The following HECTD4 variants were observed in gnomAD, a reference collection of about 807,000 sequenced individuals.
HECTD4 encodes the protein HECT domain E3 ubiquitin protein ligase 4.
Under a neutral mutation model 471.5 loss-of-function variants are expected in HECTD4, and 114 were observed. The ratio of observed to expected loss-of-function variants is 0.24; its 90% CI spans 0.21 to 0.28. The LOEUF (loss-of-function observed/expected upper bound fraction) is 0.28. HECTD4 is among the 10% of genes least tolerant of loss of function. HECTD4 has a pLI of 1.00. For missense variants in HECTD4, 3,866 were observed against 5,651.5 expected (o/e 0.68, Z 10.13); for synonymous variants, 2,012 against 2,256.0 (o/e 0.89, Z 3.07).
intron 26 of HECTD4, 41 bp downstream of exon 26, chr12:112,248,279 T>A (rs761647790): frequency 4.7e-5 from 72 of 1,536,446 alleles, no homozygotes; most frequent in Non-Finnish European, 5.8e-5. Flanking sequence ...TCTTTAAATT[T>A]CCATAAAAGA....
At chr12:112,295,754 A>C (rs1235562500) in intron 7 of HECTD4, among the ~76,000 whole-genome samples, 2 of 150,192 alleles carry the variant, frequency 1.3e-5, no homozygotes, top group African/African-American at 2.5e-5. Context: ...CAATCCTCCC[A>C]CCTTAGCCCT....
intron 43 of HECTD4, among the ~76,000 whole-genome samples, chr12:112,227,355 G>A (rs2033266630): frequency 1.3e-5 from 2 of 152,030 alleles, no homozygotes; most frequent in African/African-American, 4.8e-5. Context: ...AGCTACTCAG[G>A]AGGCTGAGGC....
At chr12:112,187,682 C>A (rs940366265) in intron 60 of HECTD4, among the ~76,000 whole-genome samples, 3 of 141,758 alleles carry the variant, frequency 2.1e-5, no homozygotes, top group South Asian at 2.3e-4. Flanking sequence ...GCTGGAGTGC[C>A]GTGGTGCCAT....
intron 39 of HECTD4, chr12:112,231,278 T>C (rs1209494933): frequency 3.5e-6 from 2 of 563,938 alleles, no homozygotes; most frequent in African/African-American, 1.9e-5. Context: ...TGGCTATAAA[T>C]GTCCCCTCAG....
Position 112,382,260 on chromosome 12 carries a change from C to A in HECTD4, c.-132G>T. The stretch of plus-strand genomic sequence containing the variant: ...GCGGCGCCCCACTTGCTGCCTCGCC[C>A]GTGCAACTCCGCCCTAGGCGGTCCG... On this transcript the variant is annotated 5_prime_UTR_variant, in exon 1 of 76. Transcript: ENST00000682272. 1.4e-6 allele frequency: 1 copy of A among 729,272 alleles called. No homozygotes were observed. Among genetic ancestry groups the A allele is most frequent in the Non-Finnish European group, 1.9e-6 (1 of 540,274 alleles). The allele number at this position is 729,272 out of a possible 1,614,324, so 45.2% of individuals were successfully genotyped here.
intron 1 of HECTD4, among the ~76,000 whole-genome samples, chr12:112,378,758 A>C (rs1440517103): frequency 6.6e-6 from 1 of 152,126 alleles, no homozygotes; most frequent in South Asian, 2.1e-4. Context: ...AAAATTAATA[A>C]ACCGGCCAGA....
At chr12:112,303,385 C>T (rs1006355747) in intron 7 of HECTD4, among the ~76,000 whole-genome samples, 7 of 152,034 alleles carry the variant, frequency 4.6e-5, no homozygotes, top group East Asian at 1.9e-4. Context: ...TTTCTCCACA[C>T]GGAAGTATGA....
In HECTD4 at chr12:112,168,182, G is replaced by A. The variant is rs568022436; in HGVS notation, c.12209-265C>T. Among the ~76,000 whole-genome samples the A allele has an allele frequency of 4.6e-5, 7 of 152,282 alleles. No homozygotes were observed. In the East Asian group the frequency reaches 5.8e-4, roughly 13 times the overall value. On this transcript the variant is annotated intron_variant, in intron 70 of 75. Coordinates refer to ENST00000682272, the MANE Select transcript of HECTD4 (RefSeq NM_001388303.1). Reference sequence around the variant, plus strand: ...CTGTCTGTCAAATGGGAGAGTGACCGTACCTACCCCGAAGGCCATTCGAAG... The same window carrying A: ...CTGTCTGTCAAATGGGAGAGTGACCATACCTACCCCGAAGGCCATTCGAAG...
chr12:112,337,184 A>T (rs1480616397), intron 1 of HECTD4, among the ~76,000 whole-genome samples: 3 of 152,196 alleles, frequency 2.0e-5, no homozygotes, highest in African/African-American at 7.2e-5. Context: ...TGTTTAAAAG[A>T]CTTACCTCTA....
intron 1 of HECTD4, among the ~76,000 whole-genome samples, chr12:112,363,454 A>G (rs922369608): frequency 6.6e-6 from 1 of 152,204 alleles, no homozygotes; most frequent in Non-Finnish European, 1.5e-5. Flanking sequence ...GACATAGAAT[A>G]GGTTTACTAA....
rs748792231 is a variant in HECTD4, at chr12:112,283,239, C to T, written c.1399G>A (p.Gly467Ser). 3 of 1,613,462 alleles carry T rather than the reference C, an allele frequency of 1.9e-6. No homozygotes were observed. The highest frequency in any genetic ancestry group is 2.5e-6 in the Non-Finnish European group (3 of 1,179,674). ...TCATTAATGCTTTTGGCAGATTCGCCCTCTTTTCTCATTAGAATTGTACGT... is the reference window on the plus strand; with the variant it reads ...TCATTAATGCTTTTGGCAGATTCGCTCTCTTTTCTCATTAGAATTGTACGT... ...QERTILMRKE[G>S]ESAKSINEML... is the part of the protein sequence containing the mutation. Residue 467 changes from glycine to serine, a missense_variant, in exon 8 of 76, where the codon GGC (glycine) becomes AGC (serine). This residue lies in a region of HECTD4 where 440 missense variants were observed against 636.0 expected (regional missense o/e 0.69). Coordinates refer to ENST00000682272, the MANE Select transcript of HECTD4 (RefSeq NM_001388303.1).
intron 67 of HECTD4, 173 bp from the exon 68 acceptor site, chr12:112,171,436 A>G: frequency 9.5e-7 from 1 of 1,047,374 alleles, no homozygotes; most frequent in Non-Finnish European, 1.4e-6. Flanking sequence ...TGCCTATGCC[A>G]AGCAGACACA....
intron 55 of HECTD4, among the ~76,000 whole-genome samples, chr12:112,200,352 C>T (rs955486105): frequency 6.6e-6 from 1 of 152,086 alleles, no homozygotes; most frequent in Non-Finnish European, 1.5e-5. Context: ...TGCGATTTCA[C>T]CAGGTTGGCC....
At chr12:112,292,847 C>T (rs1025076667) in intron 7 of HECTD4, among the ~76,000 whole-genome samples, 1 of 151,928 alleles carries the variant, frequency 6.6e-6, no homozygotes, top group Non-Finnish European at 1.5e-5. Flanking sequence ...ATAGTGAAAC[C>T]CCGTCCCTAC....
At position 112,163,774 on chromosome 12, in the gene HECTD4, G is replaced by A. The variant is rs2030804371; in HGVS notation, c.12702-37C>T. ...AGGAGCACAGGTGAGGGAGAACACC[G>A]CCGAAGAGGCTGGGTCTGGGGGCCA... is the stretch of plus-strand genomic sequence containing the variant. On this transcript the variant is annotated intron_variant, in intron 73 of 75. Coordinates refer to ENST00000682272, the MANE Select transcript of HECTD4 (RefSeq NM_001388303.1). This position sits in a 1 kb window ranked among gnomAD's most constrained non-coding sequence, Gnocchi z 8.2. 21 of 1,414,612 alleles carry A rather than the reference G, an allele frequency of 1.5e-5. No individual in the cohort carries two copies. The highest frequency in any genetic ancestry group is 1.9e-5 in the Non-Finnish European group (21 of 1,077,814). The allele number at this position is 1,414,612 out of a possible 1,614,324, so 87.6% of individuals were successfully genotyped here.
At chr12:112,220,307 C>A (rs1241448939) in intron 44 of HECTD4, among the ~76,000 whole-genome samples, 2 of 151,908 alleles carry the variant, frequency 1.3e-5, no homozygotes, top group Non-Finnish European at 2.9e-5. Flanking sequence ...GATATATGAG[C>A]CAAAGCCCCT....
rs760947859 is a variant in HECTD4, at chr12:112,304,238, A to ATTTTTTTTT, written c.1335+1817_1335+1825dup. On this transcript the variant is annotated intron_variant, in intron 7 of 75. Transcript: ENST00000682272. ...CCATTATTCTTAGGCTAAAGACCTA[A>ATTTTTTTTT]TTTTTTTTTTTTTTTTTTTTTTTTG... 2.9e-5 allele frequency among the ~76,000 whole-genome samples: 3 copies of ATTTTTTTTT among 104,398 alleles called. 1 individual carries two copies. The highest frequency in any genetic ancestry group is 8.7e-4 in the East Asian group (2 of 2,290). 68.5% of individuals were successfully genotyped at this position (104,398 alleles called of 152,430 possible).
At position 112,318,480 on chromosome 12, in the gene HECTD4, T is replaced by C. The variant is rs545860780; in HGVS notation, c.695+745A>G. On this transcript the variant is annotated intron_variant, in intron 2 of 75. Coordinates refer to ENST00000682272, the MANE Select transcript of HECTD4 (RefSeq NM_001388303.1). ...ACCACTGCTTCCTGGGTTTAAATGA[T>C]TGTCCTGCCTAAGCCTCCAGGTAGC... 2.0e-5 allele frequency among the ~76,000 whole-genome samples: 3 copies of C among 152,146 alleles called. No homozygotes were observed. The South Asian group carries it at 6.2e-4, about 32-fold the overall frequency.
At chr12:112,227,876 G>A (rs1030480304) in intron 43 of HECTD4, among the ~76,000 whole-genome samples, 1 of 152,152 alleles carries the variant, frequency 6.6e-6, no homozygotes, top group African/African-American at 2.4e-5. Context: ...ATTTTGAAGT[G>A]TAGACATTGG....
Sources: allele counts gnomAD v4.1 joint callset (sites outside exome capture counted in the v4.1 genomes callset), GRCh38; gene constraint gnomAD v4.1.1; regional missense constraint gnomAD v4.1.1; non-coding constraint Gnocchi (gnomAD v3.1); transcripts MANE v1.5; gene names NCBI Gene and HGNC (gene_info 2026-07-23, HGNC 2026-07-21).